Variants in CPED1 observed in about 807,000 individuals in gnomAD.
CPED1 encodes cadherin like and PC-esterase domain containing 1.
Under a neutral mutation model 128.2 loss-of-function variants are expected in CPED1, and 114 were observed. The ratio of observed to expected loss-of-function variants is 0.89; its 90% CI spans 0.76 to 1.04. The LOEUF (loss-of-function observed/expected upper bound fraction) is 1.04, where lower values mean the gene tolerates loss of function less well. Ranked by LOEUF, CPED1 falls within the 50% of genes least tolerant of loss-of-function variation. The pLI, the probability that CPED1 is intolerant of heterozygous loss-of-function variation, is 0.00. For synonymous variants in CPED1, 462 were observed against 426.7 expected (o/e 1.08, Z -1.02); for missense variants, 1,211 against 1,207.1 (o/e 1.00, Z -0.05).
intron 18 of CPED1, among the ~76,000 whole-genome samples, chr7:121,253,693 G>T (rs1004270244): frequency 4.6e-5 from 7 of 151,990 alleles, no homozygotes; most frequent in African/African-American, 1.7e-4. Context: ...CCATCTTGAT[G>T]TAAGAACACC....
chr7:121,232,772 T>C (rs1456237351), intron 16 of CPED1, among the ~76,000 whole-genome samples: 1 of 152,058 alleles, frequency 6.6e-6, no homozygotes, highest in Non-Finnish European at 1.5e-5. Context: ...AGCTATGTGC[T>C]GGAGGGAGTA....
At chr7:121,114,308 C>T (rs1257534540) in intron 7 of CPED1, among the ~76,000 whole-genome samples, 2 of 152,174 alleles carry the variant, frequency 1.3e-5, no homozygotes, top group Admixed American at 6.5e-5. Flanking sequence ...GCTTATAGTA[C>T]TGCTCTGCAT....
At chr7:121,172,963 A>G (rs1796688760) in intron 16 of CPED1, among the ~76,000 whole-genome samples, 2 of 152,314 alleles carry the variant, frequency 1.3e-5, no homozygotes, top group South Asian at 4.1e-4. Context: ...TGAAGAACAC[A>G]TATCTACTGC....
At chr7:121,036,489 G>GTATA (rs144901835) in intron 3 of CPED1, among the ~76,000 whole-genome samples, 2,170 of 138,550 alleles carry the variant, frequency 0.016, 31 homozygotes, top group Non-Finnish European at 0.022. Context: ...CATGGTGTGT[G>GTATA]TATATATATA....
At chr7:121,029,545 C>T (rs1416464373) in intron 3 of CPED1, among the ~76,000 whole-genome samples, 1 of 152,154 alleles carries the variant, frequency 6.6e-6, no homozygotes, top group Admixed American at 6.5e-5. Context: ...TATCTGAAAA[C>T]TCATCCAGAT....
At chr7:121,243,208 G>A (rs767503751) in intron 17 of CPED1, among the ~76,000 whole-genome samples, 1 of 152,108 alleles carries the variant, frequency 6.6e-6, no homozygotes, top group Non-Finnish European at 1.5e-5. Flanking sequence ...TTTAGGGTAA[G>A]GAGAGTGATT....
chr7:121,170,617 C>T (rs562000843), intron 16 of CPED1, among the ~76,000 whole-genome samples: 22 of 152,188 alleles, frequency 1.4e-4, no homozygotes, highest in Non-Finnish European at 1.0e-4. Context: ...TATCTTCCGT[C>T]TTCTCATGGA....
chr7:121,039,862 C>T (rs1428646454), intron 3 of CPED1, among the ~76,000 whole-genome samples: 1 of 152,048 alleles, frequency 6.6e-6, no homozygotes, highest in African/African-American at 2.4e-5. Flanking sequence ...TTCTTCACAA[C>T]AAAAATCTTT....
At chr7:121,206,042 A>C (rs889629553) in intron 16 of CPED1, among the ~76,000 whole-genome samples, 8 of 152,000 alleles carry the variant, frequency 5.3e-5, no homozygotes, top group African/African-American at 7.2e-5. Flanking sequence ...CCCTCTATGT[A>C]AGTACAGGCA....
At chr7:121,203,898 G>A (rs1016927345) in intron 16 of CPED1, among the ~76,000 whole-genome samples, 3 of 152,052 alleles carry the variant, frequency 2.0e-5, no homozygotes, top group African/African-American at 7.2e-5. Context: ...GGCAGGGTTG[G>A]CTCTAGGTCT....
At chr7:120,993,864 CT>C in intron 2 of CPED1, 1 of 215,626 alleles carries the variant, frequency 4.6e-6, no homozygotes, top group South Asian at 4.3e-5. Context: ...CCTCTCCTGC[CT>C]TTTGTTGATT....
intron 16 of CPED1, among the ~76,000 whole-genome samples, chr7:121,225,747 C>A (rs10242653): frequency 0.59 from 89,656 of 151,950 alleles, 27,140 homozygotes; most frequent in East Asian, 0.88. Flanking sequence ...ATCACTGATA[C>A]CCTTCTTCTA....
chr7:121,284,669 C>T (rs893674679), intron 22 of CPED1, among the ~76,000 whole-genome samples: 1 of 152,200 alleles, frequency 6.6e-6, no homozygotes, highest in Non-Finnish European at 1.5e-5. Context: ...ATCATTAAAC[C>T]TTAAAGTTAC....
chr7:121,108,782 T>C (rs1247335130), intron 7 of CPED1, among the ~76,000 whole-genome samples: 1 of 139,678 alleles, frequency 7.2e-6, no homozygotes, highest in Non-Finnish European at 1.6e-5. Flanking sequence ...TCATACAAAA[T>C]ATGTCAGGGA....
At chr7:121,216,556 T>TG (rs1563068436) in intron 16 of CPED1, among the ~76,000 whole-genome samples, 1 of 151,992 alleles carries the variant, frequency 6.6e-6, no homozygotes, top group Non-Finnish European at 1.5e-5. Context: ...CCTTCCTCTC[T>TG]GGTTTTAGAC....
chr7:121,270,817 G>A (rs1384619581), intron 21 of CPED1, among the ~76,000 whole-genome samples: 2 of 151,822 alleles, frequency 1.3e-5, no homozygotes, highest in African/African-American at 4.8e-5. Flanking sequence ...GTGATGTGTT[G>A]GCTTTATTCT....
chr7:121,224,260 T>G (rs1408226728), intron 16 of CPED1, among the ~76,000 whole-genome samples: 1 of 152,210 alleles, frequency 6.6e-6, no homozygotes, highest in African/African-American at 2.4e-5. Flanking sequence ...TCCATGTAGT[T>G]GTGCGGTTTT....
At chr7:121,201,484 C>CAGAG (rs368768002) in intron 16 of CPED1, among the ~76,000 whole-genome samples, 23 of 140,990 alleles carry the variant, frequency 1.6e-4, no homozygotes, top group Non-Finnish European at 2.5e-4. Flanking sequence ...GAGTGAGAGA[C>CAGAG]AGAGAGAGAG....
intron 3 of CPED1, among the ~76,000 whole-genome samples, chr7:121,030,588 T>C (rs1792704471): frequency 6.6e-6 from 1 of 152,202 alleles, no homozygotes. Flanking sequence ...TTCGTCTCAG[T>C]GCTTTACTCA....
Sources: gnomAD v4.1 joint callset for allele counts (sites outside exome capture counted in the v4.1 genomes callset) on GRCh38, gnomAD v4.1.1 for gene constraint, MANE v1.5 for transcripts, NCBI Gene and HGNC (gene_info 2026-07-23, HGNC 2026-07-21) for gene names.